ZBTB37: variants seen among roughly 807,000 people sequenced by gnomAD.
ZBTB37 encodes zinc finger and BTB domain-containing protein 37.
Under a neutral mutation model 37.7 loss-of-function variants are expected in ZBTB37, and 15 were observed. That is an observed-to-expected ratio of 0.40 (90% CI 0.27 to 0.61). The LOEUF is 0.61. ZBTB37 is among the 20% of genes least tolerant of loss of function. ZBTB37 has a pLI of 0.44. For synonymous variants in ZBTB37, 231 were observed against 220.6 expected, an observed-to-expected ratio of 1.05 and a Z score of -0.42; for missense variants, 514 against 641.9, an observed-to-expected ratio of 0.80 and a Z score of 2.15.
exon 3 of ZBTB37, chr1:173,870,688 G>T (rs777758683): frequency 1.9e-6 from 3 of 1,614,142 alleles, no homozygotes; most frequent in Admixed American, 3.3e-5. Flanking sequence ...GTCTCACAGG[G>T]TTACACCAAA....
rs967254746 is a variant in ZBTB37 at position 173,886,071 on chromosome 1, G to A, written c.1459G>A (p.Val487Ile). 6.4e-6 allele frequency: 10 copies of A among 1,551,720 alleles called. No homozygotes were observed. In the East Asian group the frequency reaches 2.2e-4, roughly 34 times the overall value. The stretch of plus-strand genomic sequence containing the variant: ...AGAGTCACCTTCACAGGAAGAGACA[G>A]TTGCTCCTGGGGAAGCTGTCCAGGG... Residue 487 changes from valine to isoleucine, a missense_variant, in exon 5 of 5, where the codon GTT (valine) becomes ATT (isoleucine). Physicochemically the swap from Val to Ile is conservative, Grantham distance 29. Transcript: ENST00000427304.
intron 4 of ZBTB37, 84 bp downstream of exon 4, chr1:173,873,650 A>G: frequency 6.4e-7 from 1 of 1,568,846 alleles, no homozygotes; most frequent in Non-Finnish European, 8.7e-7. Flanking sequence ...AAAAGAAAAG[A>G]TGTAGGAGAG....
At chr1:173,896,120 G>C (rs1379969012) in exon 4 of ZBTB37, 1 of 152,140 alleles carries the variant, frequency 6.6e-6, no homozygotes, top group Non-Finnish European at 1.5e-5. Flanking sequence ...TCCTGGGAAG[G>C]GAAAAAGAAG....
At chr1:173,869,937 T>C (rs1156742862) in intron 2 of ZBTB37, among the ~76,000 whole-genome samples, 2 of 152,186 alleles carry the variant, frequency 1.3e-5, no homozygotes, top group Non-Finnish European at 2.9e-5. Flanking sequence ...ATATAACTTA[T>C]TAGTAAGGAA....
intron 4 of ZBTB37, among the ~76,000 whole-genome samples, chr1:173,873,977 C>T (rs893278084): frequency 2.6e-5 from 4 of 151,978 alleles, no homozygotes; most frequent in Admixed American, 2.0e-4. Context: ...GGGAACTGGC[C>T]GGGCGCAGTG....
chr1:173,876,772 T>C (rs1188317412), intron 4 of ZBTB37, among the ~76,000 whole-genome samples: 1 of 152,222 alleles, frequency 6.6e-6, no homozygotes, highest in Non-Finnish European at 1.5e-5. Context: ...CTTTTTCTCC[T>C]CATCTCTCAA....
chr1:173,902,233 A>G (rs1379553439), exon 4 of ZBTB37: 1 of 152,258 alleles, frequency 6.6e-6, no homozygotes, highest in South Asian at 2.1e-4. Context: ...GCAAGGATCA[A>G]CTATGCCCAC....
intron 4 of ZBTB37, among the ~76,000 whole-genome samples, chr1:173,881,577 C>T (rs1023442336): frequency 1.8e-4 from 27 of 152,064 alleles, no homozygotes; most frequent in Non-Finnish European, 2.6e-4. Flanking sequence ...ACCAACAGTG[C>T]AAAAGTGTTC....
chr1:173,871,194 A>G (rs1481449195), intron 3 of ZBTB37, 46 bp downstream of exon 3: 1 of 1,505,512 alleles, frequency 6.6e-7, no homozygotes, highest in Non-Finnish European at 8.9e-7. Flanking sequence ...GCTATTGTGT[A>G]GACATCACTA....
chr1:173,877,695 C>G (rs1218638764), intron 4 of ZBTB37, among the ~76,000 whole-genome samples: 1 of 152,102 alleles, frequency 6.6e-6, no homozygotes, highest in African/African-American at 2.4e-5. Flanking sequence ...AGGGGTGAGA[C>G]TACAGATGTG....
At chr1:173,884,667 T>C (rs1290767860) in intron 4 of ZBTB37, among the ~76,000 whole-genome samples, 2 of 151,232 alleles carry the variant, frequency 1.3e-5, no homozygotes, top group Non-Finnish European at 2.9e-5. Context: ...TATACATTTT[T>C]ATAAAGCTAG....
exon 4 of ZBTB37, chr1:173,900,024 A>G (rs774394267): frequency 4.6e-5 from 7 of 152,234 alleles, no homozygotes; most frequent in Admixed American, 1.3e-4. Context: ...ACTAGCTGAA[A>G]TGGAGCACTT....
chr1:173,879,634 C>T (rs926787334), intron 4 of ZBTB37, among the ~76,000 whole-genome samples: 1 of 152,060 alleles, frequency 6.6e-6, no homozygotes, highest in Admixed American at 6.6e-5. Context: ...AGTTTGTAAA[C>T]CCCAAAAGAA....
At chr1:173,882,903 G>T (rs762434412) in intron 4 of ZBTB37, among the ~76,000 whole-genome samples, 8 of 152,148 alleles carry the variant, frequency 5.3e-5, no homozygotes, top group Non-Finnish European at 8.8e-5. Context: ...ATATGAATTT[G>T]TAATGTTTAA....
chr1:173,882,342 C>T (rs1184173385), intron 4 of ZBTB37, among the ~76,000 whole-genome samples: 2 of 148,996 alleles, frequency 1.3e-5, no homozygotes, highest in East Asian at 2.1e-4. Flanking sequence ...CCCAGGTTCA[C>T]GCCATTCTCT....
At position 173,883,344 on chromosome 1, in the gene ZBTB37, G is replaced by A. The variant is rs149185702; in HGVS notation, c.1024-2292G>A. The stretch of plus-strand genomic sequence containing the variant: ...AAATACAAAAAATTAGCCAGGCATG[G>A]TGGTGCGTTCTGTAATTCCGGCTAC... On this transcript the variant is annotated intron_variant, in intron 4 of 4. Coordinates refer to ENST00000427304, the Ensembl canonical transcript of ZBTB37. 1.9e-3 allele frequency among the ~76,000 whole-genome samples: 293 copies of A among 152,278 alleles called. 3 individuals carry two copies. Among genetic ancestry groups the A allele is most frequent in the African/African-American group, 6.6e-3 (275 of 41,558 alleles).
downstream of ZBTB37, chr1:173,888,492 A>C (rs1298210861): frequency 6.9e-6 from 1 of 145,404 alleles, no homozygotes; most frequent in South Asian, 2.2e-4. Context: ...CAGTGGTGCA[A>C]TCATAGCTCA....
intron 3 of ZBTB37, among the ~76,000 whole-genome samples, chr1:173,872,779 A>T (rs1334900995): frequency 6.6e-6 from 1 of 152,102 alleles, no homozygotes; most frequent in African/African-American, 2.4e-5. Context: ...AGGCTGAGGC[A>T]GGTGGATCAC....
chr1:173,868,512 A>C (rs984754923), intron 1 of ZBTB37, 107 bp downstream of exon 1: 22 of 152,848 alleles, frequency 1.4e-4, no homozygotes, highest in African/African-American at 4.8e-4. Flanking sequence ...TGGGGCGCTC[A>C]GCTACTTTCC....
Sources: allele counts gnomAD v4.1 joint callset (sites outside exome capture counted in the v4.1 genomes callset), GRCh38; gene constraint gnomAD v4.1.1; transcripts MANE v1.5; gene names NCBI Gene and HGNC (gene_info 2026-07-23, HGNC 2026-07-21).